The following CEP170 variants were observed in gnomAD, a reference collection of about 807,000 sequenced individuals.
CEP170 encodes centrosomal protein 170.
A neutral mutation model predicts 151.9 loss-of-function variants in CEP170; 21 were observed. That is an observed-to-expected ratio of 0.14 (90% CI 0.10 to 0.20). The LOEUF (loss-of-function observed/expected upper bound fraction) is 0.20, where lower values mean the gene tolerates loss of function less well. Ranked by LOEUF, CEP170 falls within the 10% of genes least tolerant of loss-of-function variation. The pLI, the probability that CEP170 is intolerant of heterozygous loss-of-function variation, is 1.00. For missense variants in CEP170, 964 were observed against 1,892.9 expected, an observed-to-expected ratio of 0.51 and a Z score of 9.11; for synonymous variants, 356 against 648.8, an observed-to-expected ratio of 0.55 and a Z score of 6.86.
intron 13 of CEP170, among the ~76,000 whole-genome samples, chr1:243,162,784 T>G (rs2058166056): frequency 6.6e-6 from 1 of 151,938 alleles, no homozygotes; most frequent in South Asian, 2.1e-4. Flanking sequence ...AAACAAGGAG[T>G]ACAGCAGAAG....
At chr1:243,225,065 A>T in intron 2 of CEP170, 111 bp downstream of exon 2, 1 of 525,066 alleles carries the variant, frequency 1.9e-6, no homozygotes, top group East Asian at 3.5e-5. Context: ...TGGAGCTAAA[A>T]GGAGAGAAAG....
At chr1:243,237,249 G>A (rs1447732707) in intron 1 of CEP170, among the ~76,000 whole-genome samples, 1 of 152,072 alleles carries the variant, frequency 6.6e-6, no homozygotes, top group Non-Finnish European at 1.5e-5. Flanking sequence ...TACCAGCACT[G>A]TGCAACAGAC....
chr1:243,129,794 T>G (rs1348080944), intron 17 of CEP170, among the ~76,000 whole-genome samples: 4 of 152,116 alleles, frequency 2.6e-5, no homozygotes, highest in Non-Finnish European at 5.9e-5. Context: ...CAGTTTCTCT[T>G]TCCATGGTTT....
At chr1:243,223,764 AGAG>A (rs779289394) in intron 2 of CEP170, among the ~76,000 whole-genome samples, 7 of 152,238 alleles carry the variant, frequency 4.6e-5, no homozygotes, top group Non-Finnish European at 1.0e-4. Flanking sequence ...CAATTCAAGA[AGAG>A]TAGTCAGGAA....
rs975978710 is a variant in CEP170 at position 243,126,482 on chromosome 1, A to G, written c.4722T>C (p.Asp1574=). 61 of 1,610,124 alleles carry G rather than the reference A, an allele frequency of 3.8e-5. No homozygotes were observed. Among genetic ancestry groups the G allele is most frequent in the Non-Finnish European group, 4.9e-5 (58 of 1,177,956 alleles). ...GTACTGTAACATCTTCCTCTTCCCC[A>G]TCGGGGTTGAATCTATTGAAATGTA... The part of the protein sequence containing the change: ...FSIHFNRFNP[D]GEEEDVTVQE Residue 1574 remains aspartate, a synonymous_variant, in exon 20 of 20, where the codon GAT becomes GAC. Coordinates refer to ENST00000366542, the MANE Select transcript of CEP170 (RefSeq NM_014812.3).
In CEP170 at chr1:243,164,871, C is replaced by T. The variant is rs2058335585; in HGVS notation, c.3089G>A (p.Ser1030Asn). The change falls in exon 13 of 20, where the codon AGT (serine) becomes AAT (asparagine). Residue 1030 changes from serine to asparagine, a missense_variant. Transcript: ENST00000366542. ...ATCAGAGATGGCAGAATGAGGTACA[C>T]TAGAGGTTTGGTCATCATCTGTTAA... ...VDLTDDDQTS[S>N]VPHSAISDIM... The T allele has an allele frequency of 6.2e-7, 1 of 1,613,658 alleles. No individual in the cohort carries two copies. The highest frequency in any genetic ancestry group is 1.3e-5 in the African/African-American group (1 of 74,920).
chr1:243,152,520 C>CCTTTT (rs1558429307), intron 14 of CEP170, among the ~76,000 whole-genome samples: 3 of 63,490 alleles, frequency 4.7e-5, no homozygotes, highest in Non-Finnish European at 9.4e-5. Context: ...CGCGCCCAGC[C>CCTTTT]ATTTTTTTTT....
intron 3 of CEP170, among the ~76,000 whole-genome samples, chr1:243,217,461 A>G (rs2062401595): frequency 6.6e-6 from 1 of 152,238 alleles, no homozygotes; most frequent in Admixed American, 6.5e-5. Context: ...ACTCTCTTAA[A>G]TATTAAGCAC....
At chr1:243,206,958 T>C (rs911445840) in intron 4 of CEP170, among the ~76,000 whole-genome samples, 13 of 151,706 alleles carry the variant, frequency 8.6e-5, no homozygotes, top group Non-Finnish European at 4.4e-5. Flanking sequence ...GGAGATAAAA[T>C]GAAATAATAA....
intron 2 of CEP170, among the ~76,000 whole-genome samples, chr1:243,222,772 A>C (rs538818578): frequency 6.6e-6 from 1 of 152,362 alleles, no homozygotes; most frequent in South Asian, 2.1e-4. Flanking sequence ...TTAGTTTTTC[A>C]GAGACCTGAG....
At chr1:243,148,966 T>C (rs999375594) in intron 14 of CEP170, among the ~76,000 whole-genome samples, 10 of 152,074 alleles carry the variant, frequency 6.6e-5, no homozygotes, top group African/African-American at 2.4e-4. Flanking sequence ...TAATAATGAG[T>C]TGAAATTGGA....
chr1:243,162,213 C>T (rs939826119), intron 13 of CEP170, among the ~76,000 whole-genome samples: 4 of 152,138 alleles, frequency 2.6e-5, no homozygotes, highest in Non-Finnish European at 2.9e-5. Context: ...TAGATTCTAG[C>T]TGTCTTCTGG....
At chr1:243,148,896 A>G (rs1462480903) in intron 14 of CEP170, among the ~76,000 whole-genome samples, 1 of 152,158 alleles carries the variant, frequency 6.6e-6, no homozygotes, top group African/African-American at 2.4e-5. Context: ...TTCTTTATGC[A>G]ACAAAAGTAT....
At chr1:243,139,478 C>T (rs2055564085) in intron 16 of CEP170, among the ~76,000 whole-genome samples, 1 of 151,814 alleles carries the variant, frequency 6.6e-6, no homozygotes, top group Non-Finnish European at 1.5e-5. Flanking sequence ...GTATGTTTTG[C>T]AAAAGTTTGT....
chr1:243,189,412 C>A (rs1246579808), intron 8 of CEP170, among the ~76,000 whole-genome samples: 1 of 151,598 alleles, frequency 6.6e-6, no homozygotes, highest in African/African-American at 2.4e-5. Flanking sequence ...AAAAATTAGC[C>A]GGGTGTGGTG....
At chr1:243,129,197 C>T (rs1217988153) in intron 18 of CEP170, among the ~76,000 whole-genome samples, 163 bp downstream of exon 18, 1 of 151,938 alleles carries the variant, frequency 6.6e-6, no homozygotes, top group African/African-American at 2.4e-5. Flanking sequence ...AAACAATCAA[C>T]ATTTTAAACC....
chr1:243,146,062 A>G (rs539806787), intron 14 of CEP170, among the ~76,000 whole-genome samples: 4 of 152,376 alleles, frequency 2.6e-5, no homozygotes, highest in Admixed American at 2.0e-4. Context: ...TTCTAAGTGA[A>G]GTAATTCAGG....
rs771587366 is a variant in CEP170 at position 243,172,713 on chromosome 1, C to T, written c.1700G>A (p.Gly567Glu). 10 of 1,593,504 alleles carry T rather than the reference C, an allele frequency of 6.3e-6. No individual in the cohort carries two copies. The highest frequency in any genetic ancestry group is 7.7e-6 in the Non-Finnish European group (9 of 1,169,852). Residue 567 changes from glycine (G) to glutamate (E), a missense_variant, in exon 11 of 20, where the codon GGA becomes GAA. Coordinates refer to ENST00000366542, the MANE Select transcript of CEP170 (RefSeq NM_014812.3). The stretch of plus-strand genomic sequence containing the variant: ...GATGTATACCTCTGAGTGGTGAAAT[C>T]CAGATGTAGTCAGTGGTTTTCTTTC... Reference protein sequence around the residue: ...MEERKPLTTSGFHHSEEGTSS... With the variant: ...MEERKPLTTSEFHHSEEGTSS...
rs2149234297 is a variant in CEP170 at position 243,255,162 on chromosome 1, C to T, written c.-164G>A. 6.5e-6 allele frequency: 1 copy of T among 153,258 alleles called. No homozygotes were observed. Among genetic ancestry groups the T allele is most frequent in the East Asian group, 1.9e-4 (1 of 5,206 alleles). 9.5% of individuals were successfully genotyped at this position (153,258 alleles called of 1,614,324 possible). A position where few individuals can be genotyped will look rare whatever the true frequency, so the allele number is the denominator to read the frequency against. On this transcript the variant is annotated 5_prime_UTR_variant, in exon 1 of 20. Coordinates refer to ENST00000366542, the MANE Select transcript of CEP170 (RefSeq NM_014812.3). ...TCGTCGCCGCTGTTGTCGTCGCTGC[C>T]GCTGCGGTCGAGCTCCGGGGCCCTC...
Sources: gnomAD v4.1 joint callset for allele counts (sites outside exome capture counted in the v4.1 genomes callset) on GRCh38, gnomAD v4.1.1 for gene constraint, MANE v1.5 for transcripts, NCBI Gene and HGNC (gene_info 2026-07-23, HGNC 2026-07-21) for gene names.